SDCCAG8: variants seen among roughly 807,000 people sequenced by gnomAD.
The protein encoded by SDCCAG8 is SHH signaling and ciliogenesis regulator SDCCAG8, also known as serologically defined colon cancer antigen 8.
In SDCCAG8, 74 loss-of-function variants were observed where a neutral mutation model predicts 101.8. That is an observed-to-expected ratio of 0.73 (90% CI 0.60 to 0.88). The LOEUF is 0.88. Among genes scored for constraint, SDCCAG8 ranks in the 40% least tolerant of loss-of-function variants. The probability of loss-of-function intolerance (pLI) is 0.00; values close to 1 mark genes in which losing one functional copy is unlikely to be tolerated. For missense variants in SDCCAG8, 787 were observed against 822.6 expected, an observed-to-expected ratio of 0.96 and a Z score of 0.53; for synonymous variants, 281 against 292.9, an observed-to-expected ratio of 0.96 and a Z score of 0.41.
At chr1:243,483,204 A>AGGAGGCGGCGGGCGCCCGGGTC (rs1664099837) in intron 16 of SDCCAG8, among the ~76,000 whole-genome samples, 1 of 151,958 alleles carries the variant, frequency 6.6e-6, no homozygotes, top group Admixed American at 6.5e-5. Context: ...GAGCCCGGGG[A>AGGAGGCGGCGGGCGCCCGGGTC]GGAGGCGGCG....
chr1:243,303,506 C>T (rs2071756760), intron 6 of SDCCAG8, among the ~76,000 whole-genome samples: 1 of 152,134 alleles, frequency 6.6e-6, no homozygotes, highest in South Asian at 2.1e-4. Context: ...CAAGACCAAC[C>T]CCTCCTTTTC....
intron 12 of SDCCAG8, among the ~76,000 whole-genome samples, chr1:243,353,635 G>A (rs1341402333): frequency 6.6e-6 from 1 of 150,898 alleles, no homozygotes; most frequent in African/African-American, 2.4e-5. Flanking sequence ...AAGAACATAT[G>A]TGTCTTTTGG....
At position 243,286,452 on chromosome 1, in the gene SDCCAG8, CCTCT is replaced by C. The variant is rs1173355052; in HGVS notation, c.546+59_546+62del. On this transcript the variant is annotated intron_variant, in intron 5 of 17. Transcript: ENST00000366541. Reference sequence around the variant, plus strand: ...TTTTAGTGTGAATATTCCCTTCTGCCCTCTCTCCTCGCCTTCTTCGCTGCTTAGA... The same window carrying C: ...TTTTAGTGTGAATATTCCCTTCTGCCCTCCTCGCCTTCTTCGCTGCTTAGA... 1.9e-6 allele frequency: 3 copies of C among 1,581,698 alleles called. No individual in the cohort carries two copies. In the East Asian group the frequency reaches 6.8e-5, roughly 36 times the overall value.
At chr1:243,300,497 G>GT (rs1334924597) in intron 6 of SDCCAG8, among the ~76,000 whole-genome samples, 6 of 152,140 alleles carry the variant, frequency 3.9e-5, no homozygotes, top group African/African-American at 1.4e-4. Flanking sequence ...GCCCTCCAGT[G>GT]TTTCTTCTAG....
chr1:243,340,576 G>A (rs1246142916), intron 10 of SDCCAG8, among the ~76,000 whole-genome samples: 5 of 152,236 alleles, frequency 3.3e-5, no homozygotes, highest in South Asian at 4.1e-4. Flanking sequence ...GTTGGTTTGC[G>A]GGAAGGGTAG....
At chr1:243,317,925 A>G (rs979092333) in intron 9 of SDCCAG8, 1 of 400,452 alleles carries the variant, frequency 2.5e-6, no homozygotes, top group African/African-American at 2.1e-5. Flanking sequence ...TCTAAACCAT[A>G]TATGAATCTC....
intron 16 of SDCCAG8, among the ~76,000 whole-genome samples, chr1:243,469,093 G>T (rs1033581738): frequency 2.6e-5 from 4 of 152,152 alleles, no homozygotes; most frequent in African/African-American, 7.2e-5. Flanking sequence ...TTTCGACCCA[G>T]ATCTATTTTA....
intron 17 of SDCCAG8, among the ~76,000 whole-genome samples, chr1:243,494,694 G>C (rs1489981616): frequency 6.6e-6 from 1 of 152,214 alleles, no homozygotes; most frequent in African/African-American, 2.4e-5. Context: ...TGGGAGAAAA[G>C]TCAATTGAAT....
chr1:243,396,364 C>T (rs2079034327), intron 13 of SDCCAG8, among the ~76,000 whole-genome samples: 1 of 152,100 alleles, frequency 6.6e-6, no homozygotes, highest in African/African-American at 2.4e-5. Context: ...TATATTTGAA[C>T]ATTAGTGAAA....
chr1:243,302,237 G>A (rs942821054), intron 6 of SDCCAG8, among the ~76,000 whole-genome samples: 19 of 152,116 alleles, frequency 1.2e-4, no homozygotes, highest in African/African-American at 4.6e-4. Context: ...GACAGAGTGA[G>A]AATCTGTCTC....
At chr1:243,477,260 G>A (rs1450117188) in intron 16 of SDCCAG8, among the ~76,000 whole-genome samples, 1 of 152,158 alleles carries the variant, frequency 6.6e-6, no homozygotes, top group Non-Finnish European at 1.5e-5. Flanking sequence ...ATGGCCTTGA[G>A]CCACATGCAG....
intron 6 of SDCCAG8, among the ~76,000 whole-genome samples, chr1:243,294,165 A>T (rs2149297216): frequency 6.6e-6 from 1 of 152,228 alleles, no homozygotes; most frequent in East Asian, 1.9e-4. Flanking sequence ...TTGAGTGAGC[A>T]TGTTTTCCTG....
At chr1:243,283,437 A>G (rs977705651) in intron 4 of SDCCAG8, among the ~76,000 whole-genome samples, 3 of 147,454 alleles carry the variant, frequency 2.0e-5, no homozygotes, top group African/African-American at 7.5e-5. Context: ...ATATATATTT[A>G]TTACACAATT....
intron 8 of SDCCAG8, among the ~76,000 whole-genome samples, chr1:243,311,237 G>A (rs1035649306): frequency 6.6e-6 from 1 of 152,062 alleles, no homozygotes; most frequent in South Asian, 2.1e-4. Flanking sequence ...ATGAAAAACG[G>A]AAGTAGTTCT....
At chr1:243,415,961 A>T in intron 14 of SDCCAG8, 132 bp downstream of exon 14, 1 of 1,014,904 alleles carries the variant, frequency 9.9e-7, no homozygotes, top group African/African-American at 1.6e-5. Flanking sequence ...TACACCGGAG[A>T]TTCCGAATTA....
intron 9 of SDCCAG8, among the ~76,000 whole-genome samples, chr1:243,323,070 G>A (rs1172891183): frequency 2.0e-5 from 3 of 151,802 alleles, no homozygotes; most frequent in African/African-American, 7.3e-5. Context: ...GGGAGGCAGA[G>A]GTTGCAGTGA....
At chr1:243,269,974 C>G in intron 1 of SDCCAG8, 131 bp from the exon 2 acceptor site, 1 of 1,263,738 alleles carries the variant, frequency 7.9e-7, no homozygotes, top group South Asian at 1.3e-5. Flanking sequence ...AAGCTAGAAA[C>G]AGAACTCTGC....
chr1:243,414,109 A>G (rs1200084200), intron 13 of SDCCAG8, among the ~76,000 whole-genome samples: 4 of 152,232 alleles, frequency 2.6e-5, no homozygotes, highest in Admixed American at 6.5e-5. Context: ...CTAAAGTGTG[A>G]TAAATACTAT....
chr1:243,273,590 A>G (rs1034691390), intron 3 of SDCCAG8, among the ~76,000 whole-genome samples: 1 of 152,168 alleles, frequency 6.6e-6, no homozygotes, highest in African/African-American at 2.4e-5. Flanking sequence ...TGCCTTCAAT[A>G]CTAGAGCCAA....
Sources: gnomAD v4.1 joint callset for allele counts (sites outside exome capture counted in the v4.1 genomes callset) on GRCh38, gnomAD v4.1.1 for gene constraint, MANE v1.5 for transcripts, NCBI Gene and HGNC (gene_info 2026-07-23, HGNC 2026-07-21) for gene names.